The following DNAH11 variants were observed in gnomAD, a reference collection of about 807,000 sequenced individuals.
The protein encoded by DNAH11 is dynein axonemal heavy chain 11, also known as axonemal beta dynein heavy chain 11.
In DNAH11, 442 loss-of-function variants were observed where a neutral mutation model predicts 526.0. The observed-to-expected ratio is 0.84, with a 90% CI of 0.78 to 0.91. The LOEUF (loss-of-function observed/expected upper bound fraction) is 0.91, where lower values mean the gene tolerates loss of function less well. Ranked by LOEUF, DNAH11 falls within the 40% of genes least tolerant of loss-of-function variation. The pLI is 0.00. For synonymous variants in DNAH11, 2,461 were observed against 1,935.9 expected (o/e 1.27, Z -7.12); for missense variants, 6,989 against 5,448.7 (o/e 1.28, Z -8.90).
intron 54 of DNAH11, among the ~76,000 whole-genome samples, chr7:21,757,128 G>A (rs1232585037): frequency 6.6e-6 from 1 of 152,094 alleles, no homozygotes; most frequent in African/African-American, 2.4e-5. Context: ...ACTAGCTTCT[G>A]CATTTTGTTC....
rs1229993614 is a variant in DNAH11, at chr7:21,746,559, T to C, written c.8510+1496T>C. 2.6e-5 allele frequency among the ~76,000 whole-genome samples: 4 copies of C among 152,074 alleles called. 1 individual carries two copies. Among genetic ancestry groups the C allele is most frequent in the Admixed American group, 2.0e-4 (3 of 15,266 alleles). On this transcript the variant is annotated intron_variant, in intron 51 of 81. Coordinates refer to ENST00000409508, the MANE Select transcript of DNAH11 (RefSeq NM_001277115.2). The stretch of plus-strand genomic sequence containing the variant: ...TCGAGGTTGCAGTGGGCTAGGATTA[T>C]GCCACTGCACTCTAGCCTAAGCAAC...
intron 4 of DNAH11, 116 bp downstream of exon 4, chr7:21,559,908 CTT>C: frequency 1.1e-6 from 1 of 885,358 alleles, no homozygotes; most frequent in African/African-American, 1.7e-5. Context: ...GGTCTGCCCT[CTT>C]TTCTTAATCC....
chr7:21,561,621 G>A (rs375314689), intron 5 of DNAH11, among the ~76,000 whole-genome samples: 14 of 152,114 alleles, frequency 9.2e-5, no homozygotes, highest in African/African-American at 1.4e-4. Context: ...CAGAGTGGAG[G>A]GTTTGTTGAA....
At chr7:21,700,824 A>G (rs867994994) in intron 36 of DNAH11, among the ~76,000 whole-genome samples, 1 of 152,130 alleles carries the variant, frequency 6.6e-6, no homozygotes, top group African/African-American at 2.4e-5. Context: ...ATGGACGAGG[A>G]TGGAAACCAT....
At chr7:21,745,347 G>C (rs1786098319) in intron 51 of DNAH11, among the ~76,000 whole-genome samples, 1 of 152,182 alleles carries the variant, frequency 6.6e-6, no homozygotes, top group Admixed American at 6.5e-5. Context: ...TAGTTCATAA[G>C]GGACAAAGGA....
At chr7:21,808,552 C>T (rs1431158654) in intron 63 of DNAH11, among the ~76,000 whole-genome samples, 1 of 152,168 alleles carries the variant, frequency 6.6e-6, no homozygotes, top group Non-Finnish European at 1.5e-5. Flanking sequence ...ACTTCCCTCC[C>T]TCTGGTTCTC....
At chr7:21,627,697 A>G (rs1188922190) in intron 25 of DNAH11, among the ~76,000 whole-genome samples, 6 of 152,102 alleles carry the variant, frequency 3.9e-5, no homozygotes, top group African/African-American at 1.4e-4. Context: ...AGTAAATTTC[A>G]AAGACAGGTA....
intron 34 of DNAH11, among the ~76,000 whole-genome samples, chr7:21,690,075 C>T (rs117062872): frequency 1.9e-3 from 285 of 152,310 alleles, no homozygotes; most frequent in Admixed American, 3.5e-3. Context: ...TGAGTATTTT[C>T]CATGTTCTAG....
chr7:21,630,490 A>T (rs1011707074), intron 25 of DNAH11, among the ~76,000 whole-genome samples: 1 of 152,186 alleles, frequency 6.6e-6, no homozygotes, highest in African/African-American at 2.4e-5. Context: ...CATTTTTTGT[A>T]AAACTATTCT....
chr7:21,802,725 A>G (rs1206937863), intron 62 of DNAH11, among the ~76,000 whole-genome samples: 1 of 151,990 alleles, frequency 6.6e-6, no homozygotes, highest in Non-Finnish European at 1.5e-5. Context: ...CACATATCAC[A>G]TGGTATGTGA....
At chr7:21,708,114 A>G (rs1784340065) in intron 40 of DNAH11, among the ~76,000 whole-genome samples, 1 of 152,186 alleles carries the variant, frequency 6.6e-6, no homozygotes, top group African/African-American at 2.4e-5. Context: ...AGTCAACATG[A>G]ATGCCTCAGG....
chr7:21,662,275 T>A (rs7786955), intron 30 of DNAH11, among the ~76,000 whole-genome samples: 15,043 of 152,198 alleles, frequency 0.099, 1,079 homozygotes, highest in African/African-American at 0.2. Flanking sequence ...AAAAATTTTC[T>A]AACATGCAGA....
chr7:21,695,768 A>G (rs1475436233), intron 35 of DNAH11, among the ~76,000 whole-genome samples: 2 of 152,212 alleles, frequency 1.3e-5, no homozygotes, highest in African/African-American at 4.8e-5. Context: ...AAATGTGTCT[A>G]CACAGCAAAA....
chr7:21,771,207 C>A (rs1412033614), intron 55 of DNAH11, among the ~76,000 whole-genome samples: 2 of 152,158 alleles, frequency 1.3e-5, no homozygotes, highest in African/African-American at 4.8e-5. Flanking sequence ...CCCTTCCTCC[C>A]TCCCTCCCTT....
rs1412176108 is a variant in DNAH11, at chr7:21,749,720, A to G, written c.8716A>G (p.Met2906Val). The part of the protein sequence containing the change: ...NLYIRTGAKN[M>V]PTVFLLTDAQ... ...GTACATCCGAACTGGAGCCAAGAACATGCCCACTGTGTTCCTGCTGACAGA... is the reference window on the plus strand; with the variant it reads ...GTACATCCGAACTGGAGCCAAGAACGTGCCCACTGTGTTCCTGCTGACAGA... Residue 2906 changes from methionine (M) to valine (V), a missense_variant, in exon 53 of 82, where the codon ATG becomes GTG. Met to Val is a conservative substitution (Grantham distance 21). Transcript: ENST00000409508. 22 of 1,613,914 alleles carry G rather than the reference A, an allele frequency of 1.4e-5. No homozygotes were observed. The highest frequency in any genetic ancestry group is 3.3e-4 in the Middle Eastern group (2 of 6,082).
intron 9 of DNAH11, among the ~76,000 whole-genome samples, chr7:21,586,644 G>A (rs1446933449): frequency 6.6e-6 from 1 of 152,126 alleles, no homozygotes; most frequent in Non-Finnish European, 1.5e-5. Flanking sequence ...ACAAGTTTTA[G>A]GGAATACCTG....
At chr7:21,888,951 A>G (rs1252061831) in intron 76 of DNAH11, among the ~76,000 whole-genome samples, 1 of 151,940 alleles carries the variant, frequency 6.6e-6, no homozygotes, top group African/African-American at 2.4e-5. Context: ...AAAGGTCTTT[A>G]GTATATTCTG....
At chr7:21,900,518 C>T (rs752132255) in intron 81 of DNAH11, among the ~76,000 whole-genome samples, 41 of 115,110 alleles carry the variant, frequency 3.6e-4, no homozygotes, top group East Asian at 2.0e-3. Context: ...GATGCTACTG[C>T]GTAGGGTGAA....
chr7:21,713,799 G>C (rs554220690), intron 42 of DNAH11, among the ~76,000 whole-genome samples: 1 of 152,110 alleles, frequency 6.6e-6, no homozygotes, highest in Non-Finnish European at 1.5e-5. Context: ...AGGCTTTTGC[G>C]TTGACAGAGC....
Sources: allele counts gnomAD v4.1 joint callset (sites outside exome capture counted in the v4.1 genomes callset), GRCh38; gene constraint gnomAD v4.1.1; transcripts MANE v1.5; gene names NCBI Gene and HGNC (gene_info 2026-07-23, HGNC 2026-07-21).